OCA2: variants seen among roughly 807,000 people sequenced by gnomAD.
OCA2 encodes the protein P protein.
A neutral mutation model predicts 100.2 loss-of-function variants in OCA2; 77 were observed. That is an observed-to-expected ratio of 0.77 (90% confidence interval 0.64 to 0.93). OCA2 has a LOEUF of 0.93. Ranked by LOEUF, OCA2 falls within the 40% of genes least tolerant of loss-of-function variation. The pLI is 0.00. For synonymous variants in OCA2, 432 were observed against 439.2 expected, an observed-to-expected ratio of 0.98 and a Z score of 0.21; for missense variants, 1,062 against 1,089.1, an observed-to-expected ratio of 0.98 and a Z score of 0.35.
In OCA2 at chr15:28,004,427, C is replaced by T. The variant is rs111743327; in HGVS notation, c.1044+10349G>A. Among the ~76,000 whole-genome samples, 124 of 152,330 alleles carry T rather than the reference C, an allele frequency of 8.1e-4. 5 individuals are homozygous for T. The highest frequency in any genetic ancestry group is 2.9e-3 in the African/African-American group (120 of 41,562). ...AGGCCCTGACTTCCAAGCTGGGCTG[C>T]AGGGGAGCCTGCGGGGACGCCAGCG... On this transcript the variant is annotated intron_variant, in intron 9 of 23. Transcript: ENST00000354638.
chr15:27,849,009 G>A (rs1233235493), intron 22 of OCA2, among the ~76,000 whole-genome samples: 2 of 151,912 alleles, frequency 1.3e-5, no homozygotes, highest in Non-Finnish European at 2.9e-5. Context: ...GCCACGTGCT[G>A]CCTGGGTGGG....
intron 22 of OCA2, among the ~76,000 whole-genome samples, chr15:27,850,483 G>A (rs1296758851): frequency 2.6e-5 from 4 of 152,072 alleles, no homozygotes; most frequent in South Asian, 2.1e-4. Flanking sequence ...TTGCCTTCCC[G>A]GGACTGGTTC....
intron 23 of OCA2, among the ~76,000 whole-genome samples, chr15:27,808,143 A>G (rs2033932044): frequency 6.6e-6 from 1 of 152,270 alleles, no homozygotes; most frequent in Admixed American, 6.5e-5. Flanking sequence ...GTTAGGCTTC[A>G]GGAATAAGGG....
the OCA2 span, among the ~76,000 whole-genome samples, chr15:27,737,948 C>A: frequency 6.6e-6 from 1 of 152,182 alleles, no homozygotes; most frequent in Non-Finnish European, 1.5e-5. Flanking sequence ...GAAAAATGCA[C>A]ATCGAAACTG....
intron 8 of OCA2, 56 bp from the exon 9 acceptor site, chr15:28,014,985 C>T: frequency 6.4e-7 from 1 of 1,555,336 alleles, no homozygotes; most frequent in Non-Finnish European, 8.9e-7. Context: ...AGGGGACCTC[C>T]CTCTGTATCA....
intron 14 of OCA2, among the ~76,000 whole-genome samples, chr15:27,977,088 T>C (rs1247608224): frequency 1.3e-5 from 2 of 152,174 alleles, no homozygotes; most frequent in African/African-American, 2.4e-5. Flanking sequence ...TATTAATGTC[T>C]GTATGCTCTG....
rs74779466 is a variant in OCA2 at position 28,046,846 on chromosome 15, A to G, written c.228-14683T>C. On this transcript the variant is annotated intron_variant, in intron 2 of 23. Transcript: ENST00000354638. ...TCTTCACACAGGGTAGGCAGCCACA[A>G]GCCTGGCTTTACTCTTACTTCAAAT... Among the ~76,000 whole-genome samples the G allele has an allele frequency of 9.9e-3, 1,502 of 152,324 alleles. 23 individuals are homozygous for G. The highest frequency in any genetic ancestry group is 0.034 in the African/African-American group (1,419 of 41,564).
intron 23 of OCA2, among the ~76,000 whole-genome samples, chr15:27,764,079 A>G (rs1237539704): frequency 1.3e-5 from 2 of 151,470 alleles, no homozygotes; most frequent in Non-Finnish European, 2.9e-5. Context: ...GAGAAATGGA[A>G]GGCACTGAGA....
At chr15:27,949,895 A>C (rs955196304) in intron 18 of OCA2, among the ~76,000 whole-genome samples, 2 of 152,224 alleles carry the variant, frequency 1.3e-5, no homozygotes, top group African/African-American at 4.8e-5. Context: ...ATAAATATGC[A>C]GTATCTGGAT....
chr15:27,956,194 A>T (rs2040218104), intron 16 of OCA2, among the ~76,000 whole-genome samples: 1 of 152,104 alleles, frequency 6.6e-6, no homozygotes. Context: ...TACTAAAAAT[A>T]CAAAATTAGC....
intron 7 of OCA2, 112 bp downstream of exon 7, chr15:28,018,285 G>A: frequency 1.0e-6 from 1 of 970,952 alleles, no homozygotes; most frequent in Non-Finnish European, 1.6e-6. Context: ...AATTGACTAA[G>A]AATGGTGTCC....
chr15:27,966,593 CCAT>C, intron 15 of OCA2, 94 bp downstream of exon 15: 1 of 1,376,882 alleles, frequency 7.3e-7, no homozygotes, highest in Non-Finnish European at 1.0e-6. Context: ...ATCCAGCAAC[CCAT>C]CAACAGATAC....
chr15:27,866,320 C>T (rs2036321158), intron 21 of OCA2, among the ~76,000 whole-genome samples: 1 of 152,148 alleles, frequency 6.6e-6, no homozygotes, highest in African/African-American at 2.4e-5. Context: ...GGCACCACAT[C>T]ACTGAAGATG....
chr15:28,086,332 C>T (rs1344236957), intron 1 of OCA2, among the ~76,000 whole-genome samples: 1 of 152,234 alleles, frequency 6.6e-6, no homozygotes, highest in Non-Finnish European at 1.5e-5. Context: ...TGTCCCACCC[C>T]ACTCAGCCAG....
chr15:28,031,959 A>C (rs2042917301), intron 3 of OCA2, 106 bp downstream of exon 3: 1 of 820,432 alleles, frequency 1.2e-6, no homozygotes, highest in African/African-American at 1.7e-5. Context: ...GATCTGGCAG[A>C]GGTTAAACAT....
chr15:28,034,996 G>T (rs536999062), intron 2 of OCA2, among the ~76,000 whole-genome samples: 1 of 152,138 alleles, frequency 6.6e-6, no homozygotes, highest in Admixed American at 6.5e-5. Flanking sequence ...GAGTGGAGGC[G>T]CTATTGCTCC....
At chr15:27,972,179 C>T (rs2040813503) in intron 14 of OCA2, among the ~76,000 whole-genome samples, 1 of 152,074 alleles carries the variant, frequency 6.6e-6, no homozygotes, top group African/African-American at 2.4e-5. Context: ...GAGTAGTATT[C>T]TATGGTGTGT....
At chr15:27,994,400 C>T (rs567826694) in intron 9 of OCA2, among the ~76,000 whole-genome samples, 17 of 152,318 alleles carry the variant, frequency 1.1e-4, no homozygotes, top group African/African-American at 4.1e-4. Context: ...TTGGGGACCA[C>T]TGCCTTAAAG....
chr15:27,888,926 C>A (rs1236689014), intron 19 of OCA2, among the ~76,000 whole-genome samples: 2 of 152,198 alleles, frequency 1.3e-5, no homozygotes, highest in Admixed American at 1.3e-4. Context: ...CTGGTGCCTT[C>A]CCTCATGTGA....
Sources: gnomAD v4.1 joint callset for allele counts (sites outside exome capture counted in the v4.1 genomes callset) on GRCh38, gnomAD v4.1.1 for gene constraint, MANE v1.5 for transcripts, NCBI Gene and HGNC (gene_info 2026-07-23, HGNC 2026-07-21) for gene names.